MPP7: variants seen among roughly 807,000 people sequenced by gnomAD.
The protein encoded by MPP7 is MAGUK p55 scaffold protein 7, also known as MAGUK p55 subfamily member 7.
A neutral mutation model predicts 76.5 loss-of-function variants in MPP7; 60 were observed. The ratio of observed to expected loss-of-function variants is 0.78; its 90% CI spans 0.64 to 0.97. The LOEUF is 0.97. MPP7 is among the 50% of genes least tolerant of loss of function. The probability of loss-of-function intolerance (pLI) is 0.00; values close to 1 mark genes in which losing one functional copy is unlikely to be tolerated. For synonymous variants in MPP7, 237 were observed against 244.5 expected, an observed-to-expected ratio of 0.97 and a Z score of 0.29; for missense variants, 641 against 694.0, an observed-to-expected ratio of 0.92 and a Z score of 0.86.
intron 1 of MPP7, among the ~76,000 whole-genome samples, chr10:28,285,471 C>A (rs886471705): frequency 2.0e-5 from 3 of 152,182 alleles, no homozygotes; most frequent in Admixed American, 6.5e-5. Context: ...AGGTGTGAGC[C>A]ACTGTGCCCA....
At chr10:28,217,044 A>G (rs967965622) in intron 2 of MPP7, among the ~76,000 whole-genome samples, 1 of 152,158 alleles carries the variant, frequency 6.6e-6, no homozygotes, top group African/African-American at 2.4e-5. Flanking sequence ...TGTAATTAAG[A>G]TATTCAGAAA....
At chr10:28,236,393 T>C (rs1713161460) in intron 2 of MPP7, among the ~76,000 whole-genome samples, 1 of 152,074 alleles carries the variant, frequency 6.6e-6, no homozygotes. Flanking sequence ...AACACGGAAA[T>C]ATCTCTCCAA....
intron 3 of MPP7, among the ~76,000 whole-genome samples, chr10:28,177,106 T>C (rs529908109): frequency 6.6e-6 from 1 of 151,652 alleles, no homozygotes; most frequent in South Asian, 2.1e-4. Context: ...CAAAAATCTT[T>C]GTATTCATAC....
chr10:28,104,936 C>T (rs1853998004), intron 11 of MPP7, among the ~76,000 whole-genome samples: 1 of 151,962 alleles, frequency 6.6e-6, no homozygotes, highest in South Asian at 2.1e-4. Context: ...TACTAAAACA[C>T]ATTGGTCACA....
chr10:28,162,308 C>T lies in MPP7; in HGVS notation c.157-12249G>A, dbSNP rs116120870. Among the ~76,000 whole-genome samples, 816 of 152,252 alleles carry T rather than the reference C, an allele frequency of 5.4e-3. 8 individuals carry two copies. Among genetic ancestry groups the T allele is most frequent in the African/African-American group, 0.018 (765 of 41,542 alleles). On this transcript the variant is annotated intron_variant, in intron 3 of 16. Coordinates refer to ENST00000683449, the MANE Select transcript of MPP7 (RefSeq NM_001318170.2). ...GCCCACGAATTGATCACACACCCTACTCAGAATCCCACTGAAATAACCAAA... is the reference window on the plus strand; with the variant it reads ...GCCCACGAATTGATCACACACCCTATTCAGAATCCCACTGAAATAACCAAA...
intron 11 of MPP7, among the ~76,000 whole-genome samples, chr10:28,109,452 C>T (rs1305342309): frequency 6.6e-6 from 1 of 151,902 alleles, no homozygotes; most frequent in Non-Finnish European, 1.5e-5. Context: ...CACCGTCTAT[C>T]AAAAATTATA....
In MPP7 at chr10:28,058,479, C is replaced by T; in HGVS notation, c.1407+16G>A. On this transcript the variant is annotated intron_variant, in intron 15 of 16. Coordinates refer to ENST00000683449, the MANE Select transcript of MPP7 (RefSeq NM_001318170.2). ...CATGGGTCAGAAGGGTATTGAATAG[C>T]TCATTGTTTACTTACATGAGGCTGA... 6.8e-7 allele frequency: 1 copy of T among 1,475,056 alleles called. No homozygotes were observed. Among genetic ancestry groups the T allele is most frequent in the Non-Finnish European group, 9.4e-7 (1 of 1,064,710 alleles). 91.4% of individuals were successfully genotyped at this position (1,475,056 alleles called of 1,614,324 possible). A position where few individuals can be genotyped will look rare whatever the true frequency, so the allele number is the denominator to read the frequency against.
chr10:28,231,171 C>CA (rs763329834), intron 2 of MPP7, among the ~76,000 whole-genome samples: 1,350 of 98,932 alleles, frequency 0.014, 7 homozygotes, highest in African/African-American at 0.043. Flanking sequence ...AAATCAGTAA[C>CA]AAAAAAAAAA....
intron 2 of MPP7, among the ~76,000 whole-genome samples, chr10:28,323,234 A>T (rs1453444288): frequency 1.3e-5 from 2 of 152,088 alleles, no homozygotes; most frequent in Admixed American, 1.3e-4. Flanking sequence ...GCAGTGAGCC[A>T]AGATCAGGCC....
intron 11 of MPP7, among the ~76,000 whole-genome samples, chr10:28,099,453 T>A (rs1051842140): frequency 6.6e-6 from 1 of 152,132 alleles, no homozygotes; most frequent in Non-Finnish European, 1.5e-5. Context: ...GGAAAAGAGG[T>A]CCTAGTGAAA....
At chr10:28,333,242 T>G (rs1834486786) in intron 1 of MPP7, among the ~76,000 whole-genome samples, 1 of 152,216 alleles carries the variant, frequency 6.6e-6, no homozygotes, top group South Asian at 2.1e-4. Flanking sequence ...CCTCCCTGGT[T>G]CAAGTGATTC....
At chr10:28,067,778 T>G (rs990681630) in intron 13 of MPP7, among the ~76,000 whole-genome samples, 6 of 152,212 alleles carry the variant, frequency 3.9e-5, no homozygotes, top group Non-Finnish European at 8.8e-5. Context: ...GAAGTCAGTT[T>G]TGACTACTTA....
At chr10:28,328,634 T>C (rs1834442045) in intron 2 of MPP7, among the ~76,000 whole-genome samples, 1 of 151,900 alleles carries the variant, frequency 6.6e-6, no homozygotes, top group African/African-American at 2.4e-5. Context: ...AAGGCTTATG[T>C]GCTTTTCTGT....
intron 2 of MPP7, among the ~76,000 whole-genome samples, chr10:28,313,729 C>T (rs1408156947): frequency 6.6e-6 from 1 of 152,108 alleles, no homozygotes; most frequent in Non-Finnish European, 1.5e-5. Flanking sequence ...CTCGGTCCCC[C>T]AGGTTGGAGT....
At chr10:28,168,066 G>A (rs1836545364) in intron 3 of MPP7, among the ~76,000 whole-genome samples, 1 of 152,104 alleles carries the variant, frequency 6.6e-6, no homozygotes, top group Non-Finnish European at 1.5e-5. Context: ...GTGAAACCCC[G>A]TTTCTGCTAA....
intron 1 of MPP7, among the ~76,000 whole-genome samples, chr10:28,260,067 A>G (rs1372127518): frequency 2.0e-5 from 3 of 152,198 alleles, no homozygotes; most frequent in African/African-American, 7.2e-5. Context: ...GCATGTCCAT[A>G]CTTAGGAAAC....
chr10:28,073,916 TCCAGAAAGCCACCCCTGATCCTAG>T (rs1321608118), intron 12 of MPP7, among the ~76,000 whole-genome samples: 1 of 152,110 alleles, frequency 6.6e-6, no homozygotes, highest in Non-Finnish European at 1.5e-5. Flanking sequence ...CAGTGCTTCC[TCCAGAAAGCCACCCCTGATCCTAG>T]AGGATCAGGG....
chr10:28,244,666 T>C (rs1291364673), intron 1 of MPP7, among the ~76,000 whole-genome samples: 1 of 152,134 alleles, frequency 6.6e-6, no homozygotes, highest in Non-Finnish European at 1.5e-5. Flanking sequence ...CCTATAAACC[T>C]TTAAAGACTT....
intron 2 of MPP7, among the ~76,000 whole-genome samples, chr10:28,314,562 C>T (rs1348352886): frequency 6.6e-6 from 1 of 152,170 alleles, no homozygotes; most frequent in African/African-American, 2.4e-5. Context: ...ATTTTGAGAA[C>T]AATCGCAAAG....
Sources: allele counts gnomAD v4.1 joint callset (sites outside exome capture counted in the v4.1 genomes callset), GRCh38; gene constraint gnomAD v4.1.1; transcripts MANE v1.5; gene names NCBI Gene and HGNC (gene_info 2026-07-23, HGNC 2026-07-21).